The following GRM4 variants were observed in gnomAD, a reference collection of about 807,000 sequenced individuals.
GRM4 encodes the protein glutamate metabotropic receptor 4, also known as metabotropic glutamate receptor 4.
Under a neutral mutation model 81.7 loss-of-function variants are expected in GRM4, and 28 were observed. The observed-to-expected ratio is 0.34, with a 90% confidence interval of 0.25 to 0.47. GRM4 has a LOEUF of 0.47. GRM4 is among the 20% of genes least tolerant of loss of function. The pLI, the probability that GRM4 is intolerant of heterozygous loss-of-function variation, is 1.00. For synonymous variants in GRM4, 488 were observed against 528.8 expected, an observed-to-expected ratio of 0.92 and a Z score of 1.06; for missense variants, 948 against 1,290.0, an observed-to-expected ratio of 0.73 and a Z score of 4.06.
chr6:34,044,161 T>G (rs1028734988), intron 6 of GRM4, among the ~76,000 whole-genome samples: 6 of 144,892 alleles, frequency 4.1e-5, no homozygotes, highest in African/African-American at 1.5e-4. Flanking sequence ...TATATACACA[T>G]ACACACACAT....
At chr6:34,149,997 G>T (rs775940785), upstream of GRM4, among the ~76,000 whole-genome samples, 2 of 152,120 alleles carry the variant, frequency 1.3e-5, no homozygotes, top group Non-Finnish European at 2.9e-5. Flanking sequence ...TTTGCTCTCA[G>T]GATACTGCCC....
At chr6:34,032,115 G>A (rs1055451650) in intron 9 of GRM4, among the ~76,000 whole-genome samples, 1 of 152,016 alleles carries the variant, frequency 6.6e-6, no homozygotes, top group Admixed American at 6.5e-5. Context: ...ACACTTGTGT[G>A]CACAAACACT....
chr6:34,096,100 C>T (rs776255803), intron 2 of GRM4, among the ~76,000 whole-genome samples: 3 of 152,172 alleles, frequency 2.0e-5, no homozygotes, highest in Non-Finnish European at 4.4e-5. Flanking sequence ...GCCTCCTTTG[C>T]TTCCCTCACC....
Position 34,136,741 on chromosome 6 carries a change from C to CA in GRM4, c.-363-2883dup, listed in dbSNP as rs1369646617. 6.6e-6 allele frequency among the ~76,000 whole-genome samples: 1 copy of CA among 152,150 alleles called. No homozygotes were observed. The highest frequency in any genetic ancestry group is 2.4e-5 in the African/African-American group (1 of 41,434). On this transcript the variant is annotated intron_variant, in intron 1 of 10. Transcript: ENST00000538487. This position sits in a 1 kb window ranked among gnomAD's most constrained non-coding sequence, Gnocchi z 4.1. Reference sequence around the variant, plus strand: ...ACTTCCCTCCCACAGGACTGGGTCCCAGCCCCTGCCCACAGGTCCCTATCC... The same window carrying CA: ...ACTTCCCTCCCACAGGACTGGGTCCCAAGCCCCTGCCCACAGGTCCCTATCC...
At chr6:34,095,523 C>T (rs2127489252) in intron 2 of GRM4, among the ~76,000 whole-genome samples, 1 of 152,322 alleles carries the variant, frequency 6.6e-6, no homozygotes, top group East Asian at 1.9e-4. Context: ...TAGCTGTCTC[C>T]TAAGGCTGTG....
At chr6:34,150,892 G>A (rs1192358956), upstream of GRM4, among the ~76,000 whole-genome samples, 1 of 152,202 alleles carries the variant, frequency 6.6e-6, no homozygotes, top group African/African-American at 2.4e-5. Flanking sequence ...TCGGGACTGC[G>A]CCTTATTCTC....
intron 2 of GRM4, among the ~76,000 whole-genome samples, chr6:34,131,853 C>T (rs754200444): frequency 2.6e-5 from 4 of 152,072 alleles, no homozygotes; most frequent in Non-Finnish European, 4.4e-5. Context: ...CTCCAGAGGC[C>T]GAGAATCTGA....
intron 2 of GRM4, among the ~76,000 whole-genome samples, chr6:34,112,328 G>A (rs1438650378): frequency 1.3e-5 from 2 of 152,008 alleles, no homozygotes; most frequent in African/African-American, 2.4e-5. Flanking sequence ...CTGGGCTGGC[G>A]GCCATGGCAG....
rs548503766 is a variant in GRM4, at chr6:34,079,685, G to A, written c.736+12198C>T. 9.9e-5 allele frequency among the ~76,000 whole-genome samples: 15 copies of A among 152,260 alleles called. No individual in the cohort carries two copies. The East Asian group carries it at 2.9e-3, about 29-fold the overall frequency. Reference sequence around the variant, plus strand: ...CAGCTGACCTTGGGGCAGACTCACCGTCCATGGTATTGAAGCCAGGAGTGC... The same window carrying A: ...CAGCTGACCTTGGGGCAGACTCACCATCCATGGTATTGAAGCCAGGAGTGC... On this transcript the variant is annotated intron_variant, in intron 3 of 10. Coordinates refer to ENST00000538487, the MANE Select transcript of GRM4 (RefSeq NM_000841.4).
upstream of GRM4, among the ~76,000 whole-genome samples, chr6:34,150,889 T>C (rs1174185062): frequency 1.3e-5 from 2 of 152,228 alleles, no homozygotes; most frequent in Non-Finnish European, 2.9e-5. Flanking sequence ...GATTCGGGAC[T>C]GCGCCTTATT....
At chr6:34,050,274 C>T (rs961147315) in intron 6 of GRM4, among the ~76,000 whole-genome samples, 3 of 152,178 alleles carry the variant, frequency 2.0e-5, no homozygotes, top group Non-Finnish European at 2.9e-5. Context: ...TCCAGGATCA[C>T]CCTGAAATCG....
intron 2 of GRM4, among the ~76,000 whole-genome samples, chr6:34,109,960 C>T (rs1769297117): frequency 1.3e-5 from 2 of 152,098 alleles, no homozygotes; most frequent in African/African-American, 2.4e-5. Context: ...CTGCCCTTCC[C>T]TTGGTGGTCT....
At position 34,089,011 on chromosome 6, in the gene GRM4, G is replaced by A. The variant is rs1768057051; in HGVS notation, c.736+2872C>T. On this transcript the variant is annotated intron_variant, in intron 3 of 10. Transcript: ENST00000538487. The surrounding 1 kb of genome is among the most constrained non-coding windows in gnomAD (Gnocchi z 4.3). ...CAGGTTCCCATCCCAGCTCCTCCAT[G>A]TTCTAGCTCTGTGGCCTTGGGAAAG... is the stretch of plus-strand genomic sequence containing the variant. 6.6e-6 allele frequency among the ~76,000 whole-genome samples: 1 copy of A among 152,160 alleles called. No homozygotes were observed. Among genetic ancestry groups the A allele is most frequent in the Admixed American group, 6.5e-5 (1 of 15,288 alleles).
At chr6:34,027,195 G>C (rs1054116331) in intron 10 of GRM4, among the ~76,000 whole-genome samples, 1 of 152,204 alleles carries the variant, frequency 6.6e-6, no homozygotes, top group Admixed American at 6.5e-5. Context: ...GCAGGAAAAG[G>C]GGGACACACA....
intron 2 of GRM4, among the ~76,000 whole-genome samples, chr6:34,104,419 A>G (rs1327679020): frequency 6.6e-6 from 1 of 152,214 alleles, no homozygotes; most frequent in East Asian, 1.9e-4. Flanking sequence ...TGTGCCAAGC[A>G]CTTCGTGTGG....
At chr6:34,044,370 A>G (rs1765196382) in intron 6 of GRM4, among the ~76,000 whole-genome samples, 1 of 151,294 alleles carries the variant, frequency 6.6e-6, no homozygotes, top group Non-Finnish European at 1.5e-5. Flanking sequence ...ACAGACACAC[A>G]CATACACACA....
rs992470631 is a variant in GRM4, at chr6:34,047,894, G to C, written c.1169-7146C>G. Reference sequence around the variant, plus strand: ...GCATCGCCTGGGGCTCTTCAACCTTGAGCCAGCCACAGGCTCCTTTTGAAG... The same window carrying C: ...GCATCGCCTGGGGCTCTTCAACCTTCAGCCAGCCACAGGCTCCTTTTGAAG... On this transcript the variant is annotated intron_variant, in intron 6 of 10. Coordinates refer to ENST00000538487, the MANE Select transcript of GRM4 (RefSeq NM_000841.4). This position sits in a 1 kb window ranked among gnomAD's most constrained non-coding sequence, Gnocchi z 4.5. Among the ~76,000 whole-genome samples, 3 of 152,130 alleles carry C rather than the reference G, an allele frequency of 2.0e-5. No individual in the cohort carries two copies. The highest frequency in any genetic ancestry group is 4.4e-5 in the Non-Finnish European group (3 of 68,032).
intron 6 of GRM4, among the ~76,000 whole-genome samples, chr6:34,050,246 C>G (rs1008065228): frequency 3.9e-5 from 6 of 152,180 alleles, no homozygotes; most frequent in Non-Finnish European, 7.3e-5. Flanking sequence ...CTCTCTCTCA[C>G]GGCCTTCAGG....
chr6:34,040,607 C>T lies in GRM4; in HGVS notation c.1310G>A (p.Arg437His), dbSNP rs375027225. ...LCPGRVGLCP[R>H]MDPVDGTQLL... Reference sequence around the variant, plus strand: ...CTGGGTGCCATCTACAGGGTCCATGCGCGGGCAGAGCCCCACGCGGCCGGG... The same window carrying T: ...CTGGGTGCCATCTACAGGGTCCATGTGCGGGCAGAGCCCCACGCGGCCGGG... The change falls in exon 7 of 11, where the codon CGC becomes CAC. Residue 437 changes from arginine to histidine, a missense_variant. Coordinates refer to ENST00000538487, the MANE Select transcript of GRM4 (RefSeq NM_000841.4). The T allele has an allele frequency of 9.3e-6, 15 of 1,613,944 alleles. No individual in the cohort carries two copies. The highest frequency in any genetic ancestry group is 2.2e-5 in the East Asian group (1 of 44,894).
Sources: gnomAD v4.1 joint callset for allele counts (sites outside exome capture counted in the v4.1 genomes callset) on GRCh38, gnomAD v4.1.1 for gene constraint, Gnocchi (gnomAD v3.1) non-coding constraint, MANE v1.5 for transcripts, NCBI Gene and HGNC (gene_info 2026-07-23, HGNC 2026-07-21) for gene names.